TRAPPC9: variants seen among roughly 807,000 people sequenced by gnomAD.
TRAPPC9 encodes IKK2 binding protein.
TRAPPC9 carries 83 observed loss-of-function variants against 124.0 expected under a neutral mutation model. The observed-to-expected ratio is 0.67, with a 90% confidence interval of 0.56 to 0.80. The LOEUF is 0.80. Among genes scored for constraint, TRAPPC9 ranks in the 30% least tolerant of loss-of-function variants. TRAPPC9 has a pLI of 0.00. For missense variants in TRAPPC9, 1,302 were observed against 1,508.3 expected (o/e 0.86, Z 2.27); for synonymous variants, 638 against 617.5 (o/e 1.03, Z -0.49).
rs373008551 is a variant in TRAPPC9 at position 139,890,918 on chromosome 8, G to A, written c.2965-4949C>T. On this transcript the variant is annotated intron_variant, in intron 20 of 22. Coordinates refer to ENST00000438773, the MANE Select transcript of TRAPPC9 (RefSeq NM_001160372.4). ...TGTGGCTGTCTGTGCCTGGGGACTG[G>A]CTCTCAAGAAGGGACCGCTGTTCAG... is the stretch of plus-strand genomic sequence containing the variant. Among the ~76,000 whole-genome samples, 19 of 149,482 alleles carry A rather than the reference G, an allele frequency of 1.3e-4. No homozygotes were observed. In the East Asian group the frequency reaches 3.8e-3, roughly 30 times the overall value.
Position 140,127,417 on chromosome 8 carries a change from C to T in TRAPPC9, c.2556+94042G>A, listed in dbSNP as rs1162732131. Among the ~76,000 whole-genome samples, 5 of 152,210 alleles carry T rather than the reference C, an allele frequency of 3.3e-5. No homozygotes were observed. The East Asian group carries it at 9.6e-4, about 29-fold the overall frequency. Reference sequence around the variant, plus strand: ...GGTGATTTTAATCATACATCATACCCTATAAAACGCATTATCATACAGCTC... The same window carrying T: ...GGTGATTTTAATCATACATCATACCTTATAAAACGCATTATCATACAGCTC... On this transcript the variant is annotated intron_variant, in intron 17 of 22. Coordinates refer to ENST00000438773, the MANE Select transcript of TRAPPC9 (RefSeq NM_001160372.4).
At chr8:139,989,148 C>T (rs1271631656) in intron 18 of TRAPPC9, among the ~76,000 whole-genome samples, 1 of 152,202 alleles carries the variant, frequency 6.6e-6, no homozygotes, top group Non-Finnish European at 1.5e-5. Flanking sequence ...TTCTCCAAAC[C>T]TCAATATACA....
At chr8:140,352,615 G>C (rs867874291) in intron 9 of TRAPPC9, among the ~76,000 whole-genome samples, 1 of 152,138 alleles carries the variant, frequency 6.6e-6, no homozygotes, top group East Asian at 1.9e-4. Flanking sequence ...TACACTGGCC[G>C]CCGCTCCCTG....
intron 5 of TRAPPC9, among the ~76,000 whole-genome samples, chr8:140,422,990 A>G (rs2070275123): frequency 6.6e-6 from 1 of 152,222 alleles, no homozygotes; most frequent in Admixed American, 6.5e-5. Flanking sequence ...AGTATTGACA[A>G]GGATGCAGAG....
chr8:140,444,691 C>CCCT (rs201805978), intron 2 of TRAPPC9, among the ~76,000 whole-genome samples: 1 of 151,856 alleles, frequency 6.6e-6, no homozygotes, highest in South Asian at 2.1e-4. Context: ...TGAGACCCCC[C>CCCT]CCATCTCTAC....
intron 17 of TRAPPC9, chr8:140,096,647 T>C (rs542489436): frequency 2.0e-5 from 3 of 152,310 alleles, no homozygotes; most frequent in African/African-American, 7.2e-5. Flanking sequence ...AAAGTTGCCA[T>C]CAACAAAGTC....
intron 15 of TRAPPC9, among the ~76,000 whole-genome samples, chr8:140,256,201 T>C (rs1479943326): frequency 1.3e-5 from 2 of 152,244 alleles, no homozygotes; most frequent in Non-Finnish European, 2.9e-5. Context: ...ATTTGGCCCT[T>C]GGCTGCTCAG....
intron 21 of TRAPPC9, among the ~76,000 whole-genome samples, chr8:139,841,188 A>G (rs1385614137): frequency 6.6e-6 from 1 of 152,102 alleles, no homozygotes; most frequent in Admixed American, 6.5e-5. Context: ...TCCTTCTCAC[A>G]TCGCATCACT....
Position 140,371,387 on chromosome 8 carries a change from T to C in TRAPPC9, c.1135-207A>G, listed in dbSNP as rs142052190. ...GCCACAGCTGCAGGTGCAGCCCATC[T>C]TCCTGCTGATAAAGCCCAGATTCTC... On this transcript the variant is annotated intron_variant, in intron 7 of 22. Coordinates refer to ENST00000438773, the MANE Select transcript of TRAPPC9 (RefSeq NM_001160372.4). 5.4e-4 allele frequency among the ~76,000 whole-genome samples: 83 copies of C among 152,392 alleles called. No homozygotes were observed. In the East Asian group the frequency reaches 0.015, roughly 28 times the overall value.
intron 17 of TRAPPC9, among the ~76,000 whole-genome samples, chr8:140,149,543 C>T (rs1341098386): frequency 1.3e-5 from 2 of 151,884 alleles, no homozygotes; most frequent in Non-Finnish European, 2.9e-5. Flanking sequence ...TCACTTGAGC[C>T]CAGGAGGCGG....
Position 139,776,501 on chromosome 8 carries a change from C to A in TRAPPC9, c.3056-44299G>T, listed in dbSNP as rs538152172. On this transcript the variant is annotated intron_variant, in intron 21 of 22. Transcript: ENST00000438773. The surrounding 1 kb of genome is among the most constrained non-coding windows in gnomAD (Gnocchi z 4.1). ...CACAGGTGATGCATCTCAACCCATT[C>A]GGCAAACGGGAGCTTCATCGCAATA... Among the ~76,000 whole-genome samples, 5 of 152,334 alleles carry A rather than the reference C, an allele frequency of 3.3e-5. No individual in the cohort carries two copies. In the South Asian group the frequency reaches 8.3e-4, roughly 25 times the overall value.
intron 18 of TRAPPC9, among the ~76,000 whole-genome samples, chr8:140,009,877 G>A (rs1839010108): frequency 6.6e-6 from 1 of 152,166 alleles, no homozygotes; most frequent in Non-Finnish European, 1.5e-5. Flanking sequence ...TGTCTTCAGT[G>A]CCTAGGACAG....
intron 10 of TRAPPC9, among the ~76,000 whole-genome samples, chr8:140,306,057 G>A (rs1280995103): frequency 1.3e-5 from 2 of 152,078 alleles, no homozygotes; most frequent in Non-Finnish European, 2.9e-5. Context: ...ACAGAGATGC[G>A]TACACATCAG....
intron 17 of TRAPPC9, among the ~76,000 whole-genome samples, chr8:140,165,806 T>A (rs1425987050): frequency 6.6e-6 from 1 of 152,086 alleles, no homozygotes; most frequent in Admixed American, 6.5e-5. Flanking sequence ...GCCCAGGTTA[T>A]CAGCCACTCT....
chr8:140,335,703 C>T (rs1041858503), intron 9 of TRAPPC9, among the ~76,000 whole-genome samples: 29 of 99,558 alleles, frequency 2.9e-4, no homozygotes, highest in African/African-American at 1.2e-3. Context: ...TAAGTCTTCA[C>T]AATTTTTTTT....
intron 17 of TRAPPC9, among the ~76,000 whole-genome samples, chr8:140,046,268 G>A (rs753112661): frequency 6.6e-6 from 1 of 152,262 alleles, no homozygotes; most frequent in Non-Finnish European, 1.5e-5. Context: ...CTTCGCCGAC[G>A]GCTATGAAAC....
intron 16 of TRAPPC9, among the ~76,000 whole-genome samples, chr8:140,224,845 C>G (rs1216536508): frequency 6.6e-6 from 1 of 152,184 alleles, no homozygotes; most frequent in Non-Finnish European, 1.5e-5. Context: ...GTTCCAGCAT[C>G]TTCTCTGTCC....
intron 16 of TRAPPC9, among the ~76,000 whole-genome samples, chr8:140,225,162 G>A (rs2063417758): frequency 6.6e-6 from 1 of 152,200 alleles, no homozygotes; most frequent in Non-Finnish European, 1.5e-5. Flanking sequence ...AATTATGCAT[G>A]TCTTACATTC....
chr8:139,757,826 T>C (rs939990074), intron 21 of TRAPPC9, among the ~76,000 whole-genome samples: 3 of 152,112 alleles, frequency 2.0e-5, no homozygotes, highest in African/African-American at 7.2e-5. Context: ...CAGTCGGCAC[T>C]GCTGGCGGGC....
Sources: gnomAD v4.1 joint callset for allele counts (sites outside exome capture counted in the v4.1 genomes callset) on GRCh38, gnomAD v4.1.1 for gene constraint, Gnocchi (gnomAD v3.1) non-coding constraint, MANE v1.5 for transcripts, NCBI Gene and HGNC (gene_info 2026-07-23, HGNC 2026-07-21) for gene names.